SLC44A4: variants seen among roughly 807,000 people sequenced by gnomAD.
The protein encoded by SLC44A4 is solute carrier family 44 member 4, also known as choline transporter-like protein 4.
A neutral mutation model predicts 97.0 loss-of-function variants in SLC44A4; 74 were observed. The observed-to-expected ratio is 0.76, with a 90% CI of 0.63 to 0.93. The LOEUF (loss-of-function observed/expected upper bound fraction) is 0.93. Ranked by LOEUF, SLC44A4 falls within the 40% of genes least tolerant of loss-of-function variation. The probability of loss-of-function intolerance (pLI) is 0.00; values close to 1 mark genes in which losing one functional copy is unlikely to be tolerated. For missense variants in SLC44A4, 799 were observed against 902.9 expected (o/e 0.88, Z 1.48); for synonymous variants, 325 against 363.8 (o/e 0.89, Z 1.21).
Position 31,877,036 on chromosome 6 carries a change from G to C in SLC44A4, c.87C>G (p.Asn29Lys). ...CCGGAGCAGTGCCCAGAGCTCACCT[G>C]TTCTTGATGGGGCCTCGAAAGGAGG... ...YDPSFRGPIK[N>K]RSCTDVICCV... is the part of the protein sequence containing the mutation. The change falls in exon 2 of 21, where the codon AAC becomes AAG. Residue 29 changes from asparagine to lysine, a missense_variant and splice_region_variant. Transcript: ENST00000229729. The surrounding 1 kb of genome is among the most constrained non-coding windows in gnomAD (Gnocchi z 6.5). 6.2e-7 allele frequency: 1 copy of C among 1,609,146 alleles called. No homozygotes were observed. Among genetic ancestry groups the C allele is most frequent in the Non-Finnish European group, 8.5e-7 (1 of 1,178,774 alleles).
rs1253058405 is a variant in SLC44A4, at chr6:31,865,719, A to G, written c.1553T>C (p.Ile518Thr). 6.2e-7 allele frequency: 1 copy of G among 1,613,486 alleles called. No homozygotes were observed. Among genetic ancestry groups the G allele is most frequent in the Admixed American group, 1.7e-5 (1 of 60,018 alleles). ...GAGCTTGTGGTCAATATACTCCAAGATGACCCGGGCTATCTGCACAAGGGT... is the reference window on the plus strand; with the variant it reads ...GAGCTTGTGGTCAATATACTCCAAGGTGACCCGGGCTATCTGCACAAGGGT... ...ILTLVQIARV[I>T]LEYIDHKLRG... The change falls in exon 15 of 21, where the codon ATC (isoleucine) becomes ACC (threonine). Residue 518 changes from isoleucine (I) to threonine (T), a missense_variant. Around this residue, in one of 3 missense-constraint regions of SLC44A4, gnomAD observed 379 missense variants for 438.3 expected, o/e 0.86. Transcript: ENST00000229729. The surrounding 1 kb of genome is among the most constrained non-coding windows in gnomAD (Gnocchi z 5.2).
rs1763455082 is a variant in SLC44A4 at position 31,876,563 on chromosome 6, A to G, written c.90-434T>C. On this transcript the variant is annotated intron_variant, in intron 2 of 20. Transcript: ENST00000229729. This position sits in a 1 kb window ranked among gnomAD's most constrained non-coding sequence, Gnocchi z 4.8. ...CAGGAGTTTGAGACCAGCCTGGGCA[A>G]CATAGTGAGATCCCATCTCAAAGAA... Among the ~76,000 whole-genome samples, 1 of 152,206 alleles carries G rather than the reference A, an allele frequency of 6.6e-6. No homozygotes were observed. Among genetic ancestry groups the G allele is most frequent in the African/African-American group, 2.4e-5 (1 of 41,448 alleles).
chr6:31,868,710 T>A (rs1380607966), intron 13 of SLC44A4, among the ~76,000 whole-genome samples: 1 of 152,016 alleles, frequency 6.6e-6, no homozygotes, highest in Non-Finnish European at 1.5e-5. Flanking sequence ...GTGGGAAGAT[T>A]GCTTGAGCCT....
rs1460649537 is a variant in SLC44A4 at position 31,864,704 on chromosome 6, G to T, written c.1959C>A (p.Ser653Arg). 4 of 1,613,906 alleles carry T rather than the reference G, an allele frequency of 2.5e-6. No homozygotes were observed. Among genetic ancestry groups the T allele is most frequent in the African/African-American group, 2.7e-5 (2 of 74,854 alleles). Reference protein sequence around the residue: ...TSILGAYVIASGFFSVFGMCV... With the variant: ...TSILGAYVIARGFFSVFGMCV... ...ACATGCCGAAAACGCTGAAGAAGCCGCTGGCGATGACATAGGCCCCCAGGA... is the reference window on the plus strand; with the variant it reads ...ACATGCCGAAAACGCTGAAGAAGCCTCTGGCGATGACATAGGCCCCCAGGA... Residue 653 changes from serine (S) to arginine (R), a missense_variant, in exon 20 of 21, where the codon AGC (serine) becomes AGA (arginine). Ser to Arg is a moderately radical substitution (Grantham distance 110). Around this residue, in one of 3 missense-constraint regions of SLC44A4, gnomAD observed 379 missense variants for 438.3 expected, o/e 0.86. Transcript: ENST00000229729.
At chr6:31,869,310 G>A (rs988298652) in intron 12 of SLC44A4, 53 bp from the exon 13 acceptor site, 56 of 1,366,662 alleles carry the variant, frequency 4.1e-5, no homozygotes, top group African/African-American at 5.7e-5. Context: ...CAGGTCACTC[G>A]CTCCTTAGGG....
intron 13 of SLC44A4, among the ~76,000 whole-genome samples, chr6:31,868,232 G>A (rs1314600302): frequency 2.0e-5 from 3 of 152,184 alleles, no homozygotes; most frequent in Admixed American, 6.5e-5. Flanking sequence ...GCAGCCCAGC[G>A]CCACTCCCGG....
Position 31,876,131 on chromosome 6 carries a change from T to G in SLC44A4, c.90-2A>C. The G allele has an allele frequency of 6.2e-7, 1 of 1,612,244 alleles. No individual in the cohort carries two copies. The highest frequency in any genetic ancestry group is 8.5e-7 in the Non-Finnish European group (1 of 1,178,792). The stretch of plus-strand genomic sequence containing the variant: ...CAGCAGATGACATCTGTGCAGCTTC[T>G]GAGAGAGAAACGAAACGGGAGGCTG... On this transcript the variant is annotated splice_acceptor_variant, in intron 2 of 20. Coordinates refer to ENST00000229729, the MANE Select transcript of SLC44A4 (RefSeq NM_025257.3). LOFTEE classifies it high-confidence loss of function. The surrounding 1 kb of genome is among the most constrained non-coding windows in gnomAD (Gnocchi z 4.8).
At chr6:31,869,108 C>T (rs574217107) in intron 13 of SLC44A4, 47 bp downstream of exon 13, 1 of 1,488,188 alleles carries the variant, frequency 6.7e-7, no homozygotes, top group African/African-American at 1.4e-5. Context: ...CCCCTACAGC[C>T]CCTCACCCCT....
intron 4 of SLC44A4, 128 bp from the exon 5 acceptor site, chr6:31,875,156 A>T (rs1015570877): frequency 1.3e-5 from 9 of 679,312 alleles, no homozygotes; most frequent in African/African-American, 8.9e-5. Flanking sequence ...GTCACCTCCC[A>T]GCTCCTGGCC....
chr6:31,868,125 C>T (rs1762960169), intron 13 of SLC44A4, among the ~76,000 whole-genome samples: 1 of 152,182 alleles, frequency 6.6e-6, no homozygotes, highest in South Asian at 2.1e-4. Context: ...CAAACCTCCC[C>T]TTTTTAATAG....
rs1763129831 is a variant in SLC44A4, at chr6:31,870,888, G to A, written c.861C>T (p.Gly287=). The A allele has an allele frequency of 4.3e-6, 7 of 1,613,016 alleles. No individual in the cohort carries two copies. Among genetic ancestry groups the A allele is most frequent in the East Asian group, 2.2e-5 (1 of 44,886 alleles). The change falls in exon 10 of 21, where the codon GGC becomes GGT. Residue 287 remains glycine, a synonymous_variant. Coordinates refer to ENST00000229729, the MANE Select transcript of SLC44A4 (RefSeq NM_025257.3). The part of the protein sequence containing the change: ...WEEYRVLRDK[G]ASISQLGFTT... ...TGAAACCCAGCTGGGAGATGGAGGC[G>A]CCCTTGTCCCGCAGCACTCGGTACT...
intron 11 of SLC44A4, among the ~76,000 whole-genome samples, chr6:31,870,122 T>A (rs1250796160): frequency 6.6e-6 from 1 of 152,194 alleles, no homozygotes; most frequent in Non-Finnish European, 1.5e-5. Flanking sequence ...CTAGGCATAC[T>A]GTAGGTGCTC....
In SLC44A4 at chr6:31,869,653, G is replaced by T. The variant is rs761162763; in HGVS notation, c.1038-16C>A. The T allele has an allele frequency of 4.4e-6, 7 of 1,581,794 alleles. No homozygotes were observed. The highest frequency in any genetic ancestry group is 6.0e-6 in the Non-Finnish European group (7 of 1,162,272). On this transcript the variant is annotated splice_polypyrimidine_tract_variant and intron_variant, in intron 11 of 20. Coordinates refer to ENST00000229729, the MANE Select transcript of SLC44A4 (RefSeq NM_025257.3). The stretch of plus-strand genomic sequence containing the variant: ...TCCCACAGCCCTGCAGGGAGACAAA[G>T]CTGTTAACCGGCACCGCCCCAGCTG...
At position 31,874,852 on chromosome 6, in the gene SLC44A4, T is replaced by C. The variant is rs1185762212; in HGVS notation, c.343-6A>G. ...GGGCAGGAGGACACACACACCTGGG[T>C]GCAGAGAGAACACTAAGGGGCTGGA... is the stretch of plus-strand genomic sequence containing the variant. On this transcript the variant is annotated splice_region_variant and splice_polypyrimidine_tract_variant and intron_variant, in intron 5 of 20. Coordinates refer to ENST00000229729, the MANE Select transcript of SLC44A4 (RefSeq NM_025257.3). The surrounding 1 kb of genome is among the most constrained non-coding windows in gnomAD (Gnocchi z 4.8). 8.7e-6 allele frequency: 14 copies of C among 1,612,500 alleles called. No individual in the cohort carries two copies. The highest frequency in any genetic ancestry group is 1.2e-5 in the Non-Finnish European group (14 of 1,179,238).
chr6:31,867,120 C>T (rs1386686033), intron 13 of SLC44A4, among the ~76,000 whole-genome samples: 7 of 151,982 alleles, frequency 4.6e-5, no homozygotes, highest in Non-Finnish European at 5.9e-5. Flanking sequence ...CGCTCTGTTG[C>T]CCAGGCTGGA....
Position 31,870,858 on chromosome 6 carries a change from G to T in SLC44A4, c.891C>A (p.Thr297=). 4 of 1,613,074 alleles carry T rather than the reference G, an allele frequency of 2.5e-6. No homozygotes were observed. Among genetic ancestry groups the T allele is most frequent in the Non-Finnish European group, 3.4e-6 (4 of 1,180,016 alleles). The change falls in exon 10 of 21, where the codon ACC becomes ACA. Residue 297 remains threonine (T), a synonymous_variant. Transcript: ENST00000229729. ...GASISQLGFT[T]NLSAYQSVQE... is the part of the protein sequence containing the mutation. Reference sequence around the variant, plus strand: ...GCACGCTCTGGTAGGCACTGAGGTTGGTGGTGAAACCCAGCTGGGAGATGG... The same window carrying T: ...GCACGCTCTGGTAGGCACTGAGGTTTGTGGTGAAACCCAGCTGGGAGATGG...
chr6:31,864,631 G>C (rs1424211812), intron 20 of SLC44A4, 21 bp downstream of exon 20: 2 of 1,610,710 alleles, frequency 1.2e-6, no homozygotes, highest in Non-Finnish European at 1.7e-6. Context: ...TTGGGGACAG[G>C]TGGCTGGGGG....
chr6:31,877,107 G>T lies in SLC44A4; in HGVS notation c.41-25C>A, dbSNP rs1224548474. 20 of 1,604,988 alleles carry T rather than the reference G, an allele frequency of 1.2e-5. No homozygotes were observed. Among genetic ancestry groups the T allele is most frequent in the Non-Finnish European group, 1.6e-5 (19 of 1,176,302 alleles). ...CCTGAGGGACATGAGAAGAGGTGTG[G>T]AGGATGAGTCTCTCTCTGCATATCT... is the stretch of plus-strand genomic sequence containing the variant. On this transcript the variant is annotated intron_variant, in intron 1 of 20. Transcript: ENST00000229729. The surrounding 1 kb of genome is among the most constrained non-coding windows in gnomAD (Gnocchi z 6.5).
At chr6:31,866,848 C>A (rs374786573) in intron 13 of SLC44A4, among the ~76,000 whole-genome samples, 2 of 150,592 alleles carry the variant, frequency 1.3e-5, no homozygotes, top group Non-Finnish European at 1.5e-5. Context: ...GGGCCGAGAT[C>A]GCGCCACTGC....
Sources: allele counts gnomAD v4.1 joint callset (sites outside exome capture counted in the v4.1 genomes callset), GRCh38; gene constraint gnomAD v4.1.1; regional missense constraint gnomAD v4.1.1; non-coding constraint Gnocchi (gnomAD v3.1); transcripts MANE v1.5; gene names NCBI Gene and HGNC (gene_info 2026-07-23, HGNC 2026-07-21).